Variants in DOCK1 observed in about 807,000 individuals in gnomAD.
DOCK1 encodes dedicator of cytokinesis protein 1.
DOCK1 carries 138 observed loss-of-function variants against 262.7 expected under a neutral mutation model. That is an observed-to-expected ratio of 0.53 (90% CI 0.46 to 0.61). DOCK1 has a LOEUF of 0.61. Ranked by LOEUF, DOCK1 falls within the 20% of genes least tolerant of loss-of-function variation. DOCK1 has a pLI of 0.00. For synonymous variants in DOCK1, 866 were observed against 867.4 expected, an observed-to-expected ratio of 1.00 and a Z score of 0.03; for missense variants, 1,908 against 2,370.7, an observed-to-expected ratio of 0.80 and a Z score of 4.05.
intron 47 of DOCK1, among the ~76,000 whole-genome samples, chr10:127,431,616 AC>A (rs1285531540): frequency 6.6e-6 from 1 of 152,172 alleles, no homozygotes; most frequent in Non-Finnish European, 1.5e-5. Context: ...AGACTGACCA[AC>A]CCCTCTCTGC....
chr10:126,961,579 G>A (rs1468663277), intron 1 of DOCK1, among the ~76,000 whole-genome samples: 1 of 152,208 alleles, frequency 6.6e-6, no homozygotes, highest in Non-Finnish European at 1.5e-5. Flanking sequence ...CCTCATGTAA[G>A]TGGAATCGTA....
At chr10:127,301,945 CAA>C (rs532284873) in intron 29 of DOCK1, among the ~76,000 whole-genome samples, 27 of 89,424 alleles carry the variant, frequency 3.0e-4, no homozygotes, top group Admixed American at 2.7e-4. Flanking sequence ...GACTCCATCT[CAA>C]AAAAAAAAAA....
chr10:127,051,866 A>C (rs2044744824), intron 21 of DOCK1, among the ~76,000 whole-genome samples: 1 of 152,148 alleles, frequency 6.6e-6, no homozygotes, highest in Non-Finnish European at 1.5e-5. Flanking sequence ...TCCAGGTGTG[A>C]GCAAGAGCAC....
chr10:127,377,018 A>C (rs2065534141), intron 35 of DOCK1, among the ~76,000 whole-genome samples: 1 of 152,196 alleles, frequency 6.6e-6, no homozygotes, highest in African/African-American at 2.4e-5. Flanking sequence ...GCTCAGTTTT[A>C]ACTAAGAAAC....
intron 25 of DOCK1, among the ~76,000 whole-genome samples, 179 bp downstream of exon 25, chr10:127,110,533 G>T (rs146487233): frequency 6.6e-6 from 1 of 152,214 alleles, no homozygotes; most frequent in African/African-American, 2.4e-5. Context: ...TGTAATGCAG[G>T]TAATAGATCA....
intron 27 of DOCK1, among the ~76,000 whole-genome samples, chr10:127,131,521 T>A (rs1211647096): frequency 6.6e-6 from 1 of 152,116 alleles, no homozygotes; most frequent in East Asian, 1.9e-4. Flanking sequence ...AAAATTCGAG[T>A]TGTTTAGTGG....
chr10:127,065,569 C>T (rs1361641048), intron 23 of DOCK1, among the ~76,000 whole-genome samples: 3 of 152,068 alleles, frequency 2.0e-5, no homozygotes, highest in Admixed American at 1.3e-4. Context: ...TGCTGTTTCT[C>T]GTGGTAATTA....
At chr10:127,430,625 C>G (rs576924171) in intron 47 of DOCK1, among the ~76,000 whole-genome samples, 233 of 151,644 alleles carry the variant, frequency 1.5e-3, no homozygotes, top group African/African-American at 4.7e-3. Context: ...TCCTCCCCCA[C>G]CTGCTCTCTC....
rs576732664 is a variant in DOCK1 at position 127,284,307 on chromosome 10, A to T, written c.3044+26878A>T. On this transcript the variant is annotated intron_variant, in intron 29 of 51. Transcript: ENST00000623213. ...ATTTGTTTTTATTATTTTACATACA[A>T]ATATTTAATTTATATCTTTCCATCT... is the stretch of plus-strand genomic sequence containing the variant. 1.2e-3 allele frequency among the ~76,000 whole-genome samples: 187 copies of T among 152,210 alleles called. 2 individuals are homozygous for T. Among genetic ancestry groups the T allele is most frequent in the African/African-American group, 4.1e-3 (170 of 41,556 alleles).
chr10:127,149,838 C>T (rs986670785), intron 27 of DOCK1, among the ~76,000 whole-genome samples: 1 of 152,164 alleles, frequency 6.6e-6, no homozygotes, highest in Admixed American at 6.5e-5. Flanking sequence ...CCGGGGTGTT[C>T]CAGGCATCCC....
chr10:127,058,310 T>A (rs2045305016), intron 22 of DOCK1, among the ~76,000 whole-genome samples: 1 of 152,064 alleles, frequency 6.6e-6, no homozygotes. Flanking sequence ...GGTCTATTCC[T>A]TAATCAATAT....
At chr10:127,014,312 T>C (rs2041699275) in intron 12 of DOCK1, among the ~76,000 whole-genome samples, 1 of 152,254 alleles carries the variant, frequency 6.6e-6, no homozygotes, top group Admixed American at 6.5e-5. Context: ...TGTTTTTAGT[T>C]ATTCTGCTTA....
chr10:127,231,075 A>C (rs924169243), intron 27 of DOCK1, among the ~76,000 whole-genome samples: 4 of 152,114 alleles, frequency 2.6e-5, no homozygotes, highest in African/African-American at 9.7e-5. Flanking sequence ...ATTTTATCAC[A>C]CGTTTGATTA....
rs563371160 is a variant in DOCK1, at chr10:127,294,010, G to A, written c.3044+36581G>A. 4.6e-5 allele frequency among the ~76,000 whole-genome samples: 7 copies of A among 152,224 alleles called. No individual in the cohort carries two copies. In the South Asian group the frequency reaches 1.2e-3, roughly 27 times the overall value. Reference sequence around the variant, plus strand: ...CTTCACTCCTCAGGTGAAGCCACCCGGAGCACACCGCGGATATGCAGCTTG... The same window carrying A: ...CTTCACTCCTCAGGTGAAGCCACCCAGAGCACACCGCGGATATGCAGCTTG... On this transcript the variant is annotated intron_variant, in intron 29 of 51. Transcript: ENST00000623213.
chr10:127,448,019 C>A (rs955323806), intron 51 of DOCK1, among the ~76,000 whole-genome samples: 3 of 152,238 alleles, frequency 2.0e-5, no homozygotes, highest in African/African-American at 7.2e-5. Flanking sequence ...TCCCTCCAGG[C>A]AGCCTCACCT....
chr10:126,962,245 C>T (rs898309118), intron 1 of DOCK1, among the ~76,000 whole-genome samples: 4,360 of 152,120 alleles, frequency 0.029, 221 homozygotes, highest in African/African-American at 0.096. Flanking sequence ...CTGCAACCTC[C>T]GCCTCCCCGG....
intron 44 of DOCK1, among the ~76,000 whole-genome samples, chr10:127,416,853 C>T (rs2068185609): frequency 6.6e-6 from 1 of 152,172 alleles, no homozygotes; most frequent in African/African-American, 2.4e-5. Flanking sequence ...GTCAGGACAG[C>T]ATGGCTATGC....
chr10:127,167,283 C>A (rs942945236), intron 27 of DOCK1, among the ~76,000 whole-genome samples: 2 of 152,060 alleles, frequency 1.3e-5, no homozygotes, highest in African/African-American at 4.8e-5. Context: ...CTTGAATATT[C>A]TATTGCAAAT....
chr10:127,017,529 A>G (rs915825460), intron 12 of DOCK1, among the ~76,000 whole-genome samples: 53 of 136,820 alleles, frequency 3.9e-4, no homozygotes, highest in East Asian at 2.6e-3. Context: ...GTGTACAGAC[A>G]CACATGGACA....
Sources: gnomAD v4.1 joint callset for allele counts (sites outside exome capture counted in the v4.1 genomes callset) on GRCh38, gnomAD v4.1.1 for gene constraint, MANE v1.5 for transcripts, NCBI Gene and HGNC (gene_info 2026-07-23, HGNC 2026-07-21) for gene names.